Variants in MS4A3 observed in about 807,000 individuals in gnomAD.
MS4A3 encodes membrane-spanning 4-domains subfamily A member 3.
A neutral mutation model predicts 24.7 loss-of-function variants in MS4A3; 18 were observed. That is an observed-to-expected ratio of 0.73 (90% CI 0.50 to 1.08). The LOEUF (loss-of-function observed/expected upper bound fraction) is 1.08. Ranked by LOEUF, MS4A3 falls within the 50% of genes least tolerant of loss-of-function variation. The probability of loss-of-function intolerance (pLI) is 0.00; values close to 1 mark genes in which losing one functional copy is unlikely to be tolerated. For missense variants in MS4A3, 282 were observed against 251.7 expected, an observed-to-expected ratio of 1.12 and a Z score of -0.82; for synonymous variants, 84 against 95.3, an observed-to-expected ratio of 0.88 and a Z score of 0.69.
At chr11:60,060,503 G>A (rs954141946) in intron 1 of MS4A3, among the ~76,000 whole-genome samples, 7 of 152,048 alleles carry the variant, frequency 4.6e-5, no homozygotes, top group Admixed American at 6.6e-5. Flanking sequence ...TCAGAAAGAC[G>A]TCTTCTATAT....
rs1425400018 is a variant in MS4A3 at position 60,070,381 on chromosome 11, C to T, written c.*148C>T. The T allele has an allele frequency of 3.2e-5, 20 of 625,982 alleles. No homozygotes were observed. The highest frequency in any genetic ancestry group is 1.6e-4 in the Admixed American group (5 of 31,752). 38.8% of individuals were successfully genotyped at this position (625,982 alleles called of 1,614,324 possible). A position where few individuals can be genotyped will look rare whatever the true frequency, so the allele number is the denominator to read the frequency against. On this transcript the variant is annotated 3_prime_UTR_variant, in exon 7 of 7. Transcript: ENST00000278865. Reference sequence around the variant, plus strand: ...TGGCACCAATCACAAGAACCTTGGACGTTTGACTGACTCTATCCTTTCTCT... The same window carrying T: ...TGGCACCAATCACAAGAACCTTGGATGTTTGACTGACTCTATCCTTTCTCT...
chr11:60,066,703 C>T (rs1243190193), intron 4 of MS4A3, among the ~76,000 whole-genome samples: 1 of 152,200 alleles, frequency 6.6e-6, no homozygotes, highest in African/African-American at 2.4e-5. Flanking sequence ...AGTACTTAAT[C>T]ACTTTCAAAA....
intron 1 of MS4A3, 55 bp from the exon 2 acceptor site, chr11:60,061,090 AG>A: frequency 6.1e-6 from 9 of 1,480,994 alleles, no homozygotes; most frequent in Non-Finnish European, 8.1e-6. Flanking sequence ...TCAAAATTTT[AG>A]TAGCTAGTGG....
At chr11:60,063,074 C>T (rs764336475) in intron 3 of MS4A3, among the ~76,000 whole-genome samples, 2 of 152,146 alleles carry the variant, frequency 1.3e-5, no homozygotes, top group Non-Finnish European at 2.9e-5. Flanking sequence ...CTGGAATTGC[C>T]AGGCATGAGC....
chr11:60,069,747 A>G (rs1590620293), intron 6 of MS4A3, 72 bp downstream of exon 6: 1 of 1,097,234 alleles, frequency 9.1e-7, no homozygotes. Context: ...GTTGTTTCTG[A>G]TGCTTAGAAA....
chr11:60,057,073 T>C (rs1006512992), intron 1 of MS4A3, among the ~76,000 whole-genome samples: 2 of 152,190 alleles, frequency 1.3e-5, no homozygotes, highest in African/African-American at 2.4e-5. Context: ...GGTCTCGATA[T>C]GCCTGAAGTA....
chr11:60,069,137 A>G (rs1157052230), intron 5 of MS4A3, among the ~76,000 whole-genome samples: 1 of 152,136 alleles, frequency 6.6e-6, no homozygotes, highest in East Asian at 1.9e-4. Context: ...TTTTGTTTAT[A>G]TTAGCTCAGT....
At chr11:60,058,044 G>A (rs1414928243) in intron 1 of MS4A3, among the ~76,000 whole-genome samples, 1 of 152,130 alleles carries the variant, frequency 6.6e-6, no homozygotes, top group African/African-American at 2.4e-5. Context: ...GTGATGAGTA[G>A]ACAACGAGGT....
In MS4A3 at chr11:60,059,588, T is replaced by G. The variant is rs144263887; in HGVS notation, c.-15-1558T>G. On this transcript the variant is annotated intron_variant, in intron 1 of 6. Coordinates refer to ENST00000278865, the MANE Select transcript of MS4A3 (RefSeq NM_006138.5). Reference sequence around the variant, plus strand: ...GTTTTGTTCCCCTCTATGTGTCCATTTGTTCTTAGCATTTAGCTCCCACTT... The same window carrying G: ...GTTTTGTTCCCCTCTATGTGTCCATGTGTTCTTAGCATTTAGCTCCCACTT... Among the ~76,000 whole-genome samples the G allele has an allele frequency of 3.7e-3, 569 of 152,168 alleles. 3 individuals are homozygous for G. Among genetic ancestry groups the G allele is most frequent in the African/African-American group, 0.012 (518 of 41,544 alleles).
intron 2 of MS4A3, chr11:60,061,650 G>A (rs541440191): frequency 1.7e-5 from 5 of 291,984 alleles, no homozygotes; most frequent in Admixed American, 4.5e-5. Context: ...TGTGATAATC[G>A]ACTGTTTATA....
At position 60,060,914 on chromosome 11, in the gene MS4A3, C is replaced by G. The variant is rs191045623; in HGVS notation, c.-15-232C>G. ...GAGAAAGAAATTGCTCTTTACCATT[C>G]CAAAGTTAAGTGAAGCACCAAGGCC... On this transcript the variant is annotated intron_variant, in intron 1 of 6. Coordinates refer to ENST00000278865, the MANE Select transcript of MS4A3 (RefSeq NM_006138.5). 415 of 333,226 alleles carry G rather than the reference C, an allele frequency of 1.2e-3. 2 individuals are homozygous for G. Among genetic ancestry groups the G allele is most frequent in the African/African-American group, 7.7e-3 (361 of 46,972 alleles). The allele number at this position is 333,226 out of a possible 1,614,324, so 20.6% of individuals were successfully genotyped here.
In MS4A3 at chr11:60,070,896, G is replaced by C. The variant is rs1855465199; in HGVS notation, c.*663G>C. The stretch of plus-strand genomic sequence containing the variant: ...CAAATGTGTTCTTCAAAGGACAATG[G>C]GAAACTGTAAAGTAGAGAACTAAAG... On this transcript the variant is annotated 3_prime_UTR_variant, in exon 7 of 7. Transcript: ENST00000278865. The C allele has an allele frequency of 6.6e-6, 1 of 152,170 alleles. No individual in the cohort carries two copies. Among genetic ancestry groups the C allele is most frequent in the Non-Finnish European group, 1.5e-5 (1 of 68,078 alleles). The allele number at this position is 152,170 out of a possible 1,614,324, so 9.4% of individuals were successfully genotyped here. A position where few individuals can be genotyped will look rare whatever the true frequency, so the allele number is the denominator to read the frequency against.
rs760191852 is a variant in MS4A3, at chr11:60,062,534, C to G, written c.223C>G (p.Pro75Ala). ...TGTCTTTCTGGGTTCCTTGCAATAC[C>G]CATACCACTTCCAAAAGCACTTCTT... The part of the protein sequence containing the change: ...LGVFLGSLQY[P>A]YHFQKHFFFF... The change falls in exon 3 of 7, where the codon CCA becomes GCA. Residue 75 changes from proline to alanine, a missense_variant. Coordinates refer to ENST00000278865, the MANE Select transcript of MS4A3 (RefSeq NM_006138.5). The G allele has an allele frequency of 1.2e-4, 187 of 1,614,038 alleles. No individual in the cohort carries two copies. In the East Asian group the frequency reaches 4.1e-3, roughly 36 times the overall value.
Position 60,061,188 on chromosome 11 carries a change from G to A in MS4A3, c.28G>A (p.Glu10Lys). Reference protein sequence around the residue: MASHEVDNAELGSASAHGTP... With the variant: MASHEVDNAKLGSASAHGTP... ...GGCCTCCCACGAAGTTGATAATGCA[G>A]AGCTGGGGTCAGCCTCTGCCCATGG... The change falls in exon 2 of 7, where the codon GAG becomes AAG. Residue 10 changes from glutamate to lysine, a missense_variant. Glu to Lys is a moderately conservative substitution (Grantham distance 56). Coordinates refer to ENST00000278865, the MANE Select transcript of MS4A3 (RefSeq NM_006138.5). The A allele has an allele frequency of 6.2e-7, 1 of 1,606,852 alleles. No homozygotes were observed. The highest frequency in any genetic ancestry group is 2.2e-5 in the East Asian group (1 of 44,676).
chr11:60,069,584 C>G lies in MS4A3; in HGVS notation c.524C>G (p.Ser175Cys), dbSNP rs1450528584. The change falls in exon 6 of 7, where the codon TCT (serine) becomes TGT (cysteine). Residue 175 changes from serine to cysteine, a missense_variant. Ser to Cys is a moderately radical substitution (Grantham distance 112, BLOSUM62 -1). Coordinates refer to ENST00000278865, the MANE Select transcript of MS4A3 (RefSeq NM_006138.5). ...CATCATATCCCCTAGGGCATGGTGT[C>G]TCTACTGCTGATTCTCACCTTGCTG... ...YMGSISNGMV[S>C]LLLILTLLEL... The G allele has an allele frequency of 2.5e-6, 4 of 1,612,156 alleles. No homozygotes were observed. The African/African-American group carries it at 5.3e-5, about 22-fold the overall frequency.
intron 1 of MS4A3, among the ~76,000 whole-genome samples, 155 bp downstream of exon 1, chr11:60,056,895 T>C (rs945610508): frequency 1.3e-5 from 2 of 152,174 alleles, no homozygotes; most frequent in African/African-American, 4.8e-5. Flanking sequence ...CTCTTTAGGA[T>C]GTGATGATTC....
Position 60,067,044 on chromosome 11 carries a change from T to C in MS4A3, c.445T>C (p.Ser149Pro). Residue 149 changes from serine to proline, a missense_variant, in exon 5 of 7, where the codon TCA becomes CCA. Physicochemically the swap from Ser to Pro is moderately conservative, Grantham distance 74. Transcript: ENST00000278865. ...ACTAAATATAGCAGTTAATATCCAG[T>C]CATTAAGGAGTTGTCACTCTTCATC... The part of the protein sequence containing the change: ...LSLNIAVNIQ[S>P]LRSCHSSSES... 6.2e-7 allele frequency: 1 copy of C among 1,613,410 alleles called. No homozygotes were observed. Among genetic ancestry groups the C allele is most frequent in the Non-Finnish European group, 8.5e-7 (1 of 1,179,702 alleles).
chr11:60,062,318 T>A (rs1340073719), intron 2 of MS4A3, 150 bp from the exon 3 acceptor site: 1 of 910,594 alleles, frequency 1.1e-6, no homozygotes. Context: ...AAAAACTCTT[T>A]CAGATAAGCT....
At chr11:60,064,340 T>C (rs1243574486) in intron 4 of MS4A3, 22 bp downstream of exon 4, 1 of 1,563,834 alleles carries the variant, frequency 6.4e-7, no homozygotes, top group African/African-American at 1.4e-5. Context: ...TTCCTCTTTT[T>C]CTATGATCAG....
Sources: allele counts gnomAD v4.1 joint callset (sites outside exome capture counted in the v4.1 genomes callset), GRCh38; gene constraint gnomAD v4.1.1; transcripts MANE v1.5; gene names NCBI Gene and HGNC (gene_info 2026-07-23, HGNC 2026-07-21).